The following GPR139 variants were observed in gnomAD, a reference collection of about 807,000 sequenced individuals.
GPR139 encodes G protein-coupled receptor 139.
GPR139 carries 12 observed loss-of-function variants against 25.8 expected under a neutral mutation model. The observed-to-expected ratio is 0.47, with a 90% confidence interval of 0.30 to 0.75. GPR139 has a LOEUF of 0.75. GPR139 is among the 30% of genes least tolerant of loss of function. The probability of loss-of-function intolerance (pLI) is 0.07; values close to 1 mark genes in which losing one functional copy is unlikely to be tolerated. For missense variants in GPR139, 380 were observed against 450.2 expected (o/e 0.84, Z 1.41); for synonymous variants, 184 against 179.9 (o/e 1.02, Z -0.18).
At chr16:20,041,171 G>A (rs1300788253) in intron 1 of GPR139, among the ~76,000 whole-genome samples, 1 of 210 alleles carries the variant, frequency 4.8e-3, no homozygotes, top group Admixed American at 0.033. Context: ...GGGAGGGGAG[G>A]GGAGGGGAGG....
chr16:20,073,427 C>T lies in GPR139; in HGVS notation c.127+63G>A. Reference sequence around the variant, plus strand: ...AACGCACGGGGGAGGACGGGGGATTCTGGGTAGGGTTGCCCGGCACTTGGG... The same window carrying T: ...AACGCACGGGGGAGGACGGGGGATTTTGGGTAGGGTTGCCCGGCACTTGGG... On this transcript the variant is annotated intron_variant, in intron 1 of 1. Transcript: ENST00000570682. This position sits in a 1 kb window ranked among gnomAD's most constrained non-coding sequence, Gnocchi z 4.7. The T allele has an allele frequency of 6.3e-7, 1 of 1,579,386 alleles. No individual in the cohort carries two copies. Among genetic ancestry groups the T allele is most frequent in the Non-Finnish European group, 8.6e-7 (1 of 1,162,942 alleles).
In GPR139 at chr16:20,073,509, C is replaced by T. The variant is rs376264932; in HGVS notation, c.108G>A (p.Leu36=). ...GFVPVVYYSL[L]LCLGLPANIL... ...CCTCACCTGGTAAACCGAGGCACAG[C>T]AAGAGGCTGTAGTAGACCACGGGCA... Residue 36 remains leucine (L), a synonymous_variant, in exon 1 of 2, where the codon TTG becomes TTA. Transcript: ENST00000570682. This position sits in a 1 kb window ranked among gnomAD's most constrained non-coding sequence, Gnocchi z 4.7. The T allele has an allele frequency of 8.6e-5, 138 of 1,611,612 alleles. No individual in the cohort carries two copies. The highest frequency in any genetic ancestry group is 3.3e-4 in the Middle Eastern group (2 of 6,054).
intron 1 of GPR139, among the ~76,000 whole-genome samples, chr16:20,035,020 A>G (rs1434729776): frequency 6.6e-6 from 1 of 152,144 alleles, no homozygotes; most frequent in Non-Finnish European, 1.5e-5. Flanking sequence ...AAGTGTATTT[A>G]TTATGTTTTA....
At chr16:20,032,715 T>C in intron 1 of GPR139, 46 bp from the exon 2 acceptor site, 1 of 1,475,102 alleles carries the variant, frequency 6.8e-7, no homozygotes, top group Non-Finnish European at 9.3e-7. Flanking sequence ...CAAAGATGAC[T>C]TCGTTGGCTC....
At chr16:20,038,237 G>A (rs569404932) in intron 1 of GPR139, among the ~76,000 whole-genome samples, 32 of 151,738 alleles carry the variant, frequency 2.1e-4, no homozygotes, top group African/African-American at 7.7e-4. Flanking sequence ...AAGGAGGCAG[G>A]ATGTATAAAT....
At chr16:20,055,028 C>T (rs1331656527) in intron 1 of GPR139, among the ~76,000 whole-genome samples, 1 of 152,056 alleles carries the variant, frequency 6.6e-6, no homozygotes, top group Non-Finnish European at 1.5e-5. Flanking sequence ...GTGCCCAGCC[C>T]CAGATTATTT....
At chr16:20,052,582 G>A (rs1463010193) in intron 1 of GPR139, among the ~76,000 whole-genome samples, 2 of 152,280 alleles carry the variant, frequency 1.3e-5, no homozygotes, top group Middle Eastern at 3.4e-3. Context: ...CGGATCACGA[G>A]GTCAGGAGAT....
At chr16:20,033,536 A>T (rs1050995178) in intron 1 of GPR139, among the ~76,000 whole-genome samples, 1 of 152,166 alleles carries the variant, frequency 6.6e-6, no homozygotes, top group Admixed American at 6.5e-5. Flanking sequence ...CAGGAAAGAG[A>T]CGGGACTATA....
intron 1 of GPR139, among the ~76,000 whole-genome samples, chr16:20,057,122 C>T (rs1252712697): frequency 6.6e-6 from 1 of 152,132 alleles, no homozygotes; most frequent in Non-Finnish European, 1.5e-5. Flanking sequence ...TTGTCCTGTG[C>T]CCTGAATACC....
Position 20,072,946 on chromosome 16 carries a change from G to A in GPR139, c.127+544C>T, listed in dbSNP as rs905380141. ...AGCTGGGAGACCCTTTTCTTGCTAG[G>A]CATTCTTTCTCCATTCCAGTGCCCC... On this transcript the variant is annotated intron_variant, in intron 1 of 1. Transcript: ENST00000570682. Among the ~76,000 whole-genome samples the A allele has an allele frequency of 5.9e-5, 9 of 152,274 alleles. No homozygotes were observed. The East Asian group carries it at 1.7e-3, about 30-fold the overall frequency.
At chr16:20,043,266 T>C (rs1428286251) in intron 1 of GPR139, among the ~76,000 whole-genome samples, 3 of 152,136 alleles carry the variant, frequency 2.0e-5, no homozygotes, top group Admixed American at 1.3e-4. Flanking sequence ...GACAGCTTCA[T>C]TGGGAACCAT....
chr16:20,055,413 G>A (rs2057385563), intron 1 of GPR139, among the ~76,000 whole-genome samples: 1 of 152,090 alleles, frequency 6.6e-6, no homozygotes, highest in Non-Finnish European at 1.5e-5. Flanking sequence ...TGTCTCCTGG[G>A]TCCCCAGACA....
rs1347408493 is a variant in GPR139 at position 20,060,734 on chromosome 16, G to A, written c.127+12756C>T. 2.0e-5 allele frequency among the ~76,000 whole-genome samples: 3 copies of A among 152,202 alleles called. No homozygotes were observed. In the East Asian group the frequency reaches 5.8e-4, roughly 29 times the overall value. ...GCTGGCCTCCTGTTTCACTCTGCTTGCATCTGGCACCATGCATCCCCCTTC... is the reference window on the plus strand; with the variant it reads ...GCTGGCCTCCTGTTTCACTCTGCTTACATCTGGCACCATGCATCCCCCTTC... On this transcript the variant is annotated intron_variant, in intron 1 of 1. Coordinates refer to ENST00000570682, the MANE Select transcript of GPR139 (RefSeq NM_001002911.4).
At chr16:20,045,252 G>C (rs994562593) in intron 1 of GPR139, among the ~76,000 whole-genome samples, 1 of 152,004 alleles carries the variant, frequency 6.6e-6, no homozygotes, top group South Asian at 2.1e-4. Flanking sequence ...CACCAGCCTC[G>C]GCCTCCCAAA....
In GPR139 at chr16:20,073,649, G is replaced by A. The variant is rs2057469241; in HGVS notation, c.-33C>T. ...CCCCTCGCTCCCCTTGCCGCTTCGC[G>A]CCCGGCCTGCCAGCCCGACTCTGGT... On this transcript the variant is annotated 5_prime_UTR_variant, in exon 1 of 2. Coordinates refer to ENST00000570682, the MANE Select transcript of GPR139 (RefSeq NM_001002911.4). The surrounding 1 kb of genome is among the most constrained non-coding windows in gnomAD (Gnocchi z 4.7). 4.6e-6 allele frequency: 7 copies of A among 1,529,346 alleles called. No individual in the cohort carries two copies. Among genetic ancestry groups the A allele is most frequent in the South Asian group, 1.2e-5 (1 of 80,676 alleles). The allele number at this position is 1,529,346 out of a possible 1,614,324, so 94.7% of individuals were successfully genotyped here.
intron 1 of GPR139, among the ~76,000 whole-genome samples, chr16:20,068,936 C>T (rs1483535615): frequency 1.3e-5 from 2 of 151,522 alleles, no homozygotes; most frequent in Non-Finnish European, 2.9e-5. Flanking sequence ...GTGATTTTCA[C>T]ATGTCGAACC....
intron 1 of GPR139, among the ~76,000 whole-genome samples, chr16:20,062,022 C>G (rs987467103): frequency 2.6e-5 from 4 of 152,146 alleles, no homozygotes; most frequent in African/African-American, 9.7e-5. Flanking sequence ...AATCCCAGAG[C>G]TTTGGGAGAC....
chr16:20,037,231 C>A (rs757960439), intron 1 of GPR139, among the ~76,000 whole-genome samples: 1 of 152,070 alleles, frequency 6.6e-6, no homozygotes, highest in Non-Finnish European at 1.5e-5. Context: ...GGTGGTGGAT[C>A]GCTTGAGGTC....
intron 1 of GPR139, among the ~76,000 whole-genome samples, chr16:20,034,029 C>A (rs923754367): frequency 6.6e-6 from 1 of 151,834 alleles, no homozygotes; most frequent in African/African-American, 2.4e-5. Context: ...TTTAGAAAGT[C>A]ATTAGGGACT....
Sources: allele counts gnomAD v4.1 joint callset (sites outside exome capture counted in the v4.1 genomes callset), GRCh38; gene constraint gnomAD v4.1.1; non-coding constraint Gnocchi (gnomAD v3.1); transcripts MANE v1.5; gene names NCBI Gene and HGNC (gene_info 2026-07-23, HGNC 2026-07-21).